SV2C: variants seen among roughly 807,000 people sequenced by gnomAD.
SV2C encodes the protein synaptic vesicle glycoprotein 2C.
A neutral mutation model predicts 79.7 loss-of-function variants in SV2C; 49 were observed. The ratio of observed to expected loss-of-function variants is 0.61; its 90% confidence interval spans 0.49 to 0.78. The LOEUF (loss-of-function observed/expected upper bound fraction) is 0.78. Ranked by LOEUF, SV2C falls within the 30% of genes least tolerant of loss-of-function variation. The pLI, the probability that SV2C is intolerant of heterozygous loss-of-function variation, is 0.00. For synonymous variants in SV2C, 334 were observed against 333.2 expected, an observed-to-expected ratio of 1.00 and a Z score of -0.03; for missense variants, 833 against 912.9, an observed-to-expected ratio of 0.91 and a Z score of 1.13.
the SV2C span, among the ~76,000 whole-genome samples, chr5:75,857,973 T>C: frequency 3.9e-5 from 6 of 152,250 alleles, no homozygotes; most frequent in Non-Finnish European, 8.8e-5. Context: ...GCAACTTTAC[T>C]GATATTTAAT....
intron 4 of SV2C, among the ~76,000 whole-genome samples, chr5:76,238,154 T>C (rs6890985): frequency 0.12 from 17,832 of 152,026 alleles, 3,049 homozygotes; most frequent in African/African-American, 0.38. Context: ...TGGATCCATT[T>C]TCTAATATTT....
chr5:76,087,285 G>A (rs998241813), intron 1 of SV2C, among the ~76,000 whole-genome samples: 1 of 152,152 alleles, frequency 6.6e-6, no homozygotes, highest in African/African-American at 2.4e-5. Flanking sequence ...AATATTTTCT[G>A]TTGATCACCT....
chr5:76,139,661 G>C (rs1010542487), intron 2 of SV2C, among the ~76,000 whole-genome samples: 1 of 152,126 alleles, frequency 6.6e-6, no homozygotes, highest in Non-Finnish European at 1.5e-5. Flanking sequence ...TGTTCACCTA[G>C]TTTCCTGGAG....
chr5:76,122,520 C>T (rs897127658), intron 1 of SV2C, among the ~76,000 whole-genome samples: 6 of 152,264 alleles, frequency 3.9e-5, no homozygotes, highest in African/African-American at 1.4e-4. Context: ...TCATAAATAG[C>T]TCTTATTATT....
intron 5 of SV2C, 134 bp downstream of exon 5, chr5:76,285,429 G>A (rs973066606): frequency 3.1e-6 from 4 of 1,300,030 alleles, no homozygotes; most frequent in East Asian, 2.4e-5. Flanking sequence ...GGAGGGTTTG[G>A]TTTCATGGAG....
intron 2 of SV2C, among the ~76,000 whole-genome samples, chr5:76,187,281 C>A (rs1221159289): frequency 1.3e-5 from 2 of 152,208 alleles, no homozygotes; most frequent in African/African-American, 2.4e-5. Context: ...CATTATTAGG[C>A]CTCTTCTTCT....
chr5:76,034,175 A>C, the SV2C span, among the ~76,000 whole-genome samples: 1 of 151,558 alleles, frequency 6.6e-6, no homozygotes, highest in African/African-American at 2.4e-5. Context: ...TTCTAGATAT[A>C]CAATCATGTC....
chr5:75,862,134 T>C, the SV2C span, among the ~76,000 whole-genome samples: 1 of 152,228 alleles, frequency 6.6e-6, no homozygotes, highest in Non-Finnish European at 1.5e-5. Flanking sequence ...AAAAACCTAC[T>C]TACATCTAAA....
chr5:75,857,882 G>T, the SV2C span, among the ~76,000 whole-genome samples: 1,290 of 152,146 alleles, frequency 8.5e-3, 25 homozygotes, highest in African/African-American at 0.029. Flanking sequence ...AAATGTGATT[G>T]TTTTCTTGAT....
chr5:76,015,631 C>T, the SV2C span, among the ~76,000 whole-genome samples: 1 of 152,016 alleles, frequency 6.6e-6, no homozygotes, highest in Non-Finnish European at 1.5e-5. Flanking sequence ...TAATTCATGT[C>T]ATTTATCATT....
chr5:76,147,175 G>T (rs976743632), intron 2 of SV2C, among the ~76,000 whole-genome samples: 1 of 152,130 alleles, frequency 6.6e-6, no homozygotes, highest in Non-Finnish European at 1.5e-5. Flanking sequence ...CAATACCATT[G>T]AATTGTACAC....
At chr5:75,925,325 G>T in the SV2C span, among the ~76,000 whole-genome samples, 1 of 152,198 alleles carries the variant, frequency 6.6e-6, no homozygotes, top group East Asian at 1.9e-4. Flanking sequence ...GTGAGAGAGG[G>T]TCTTAAGGTA....
At chr5:75,920,647 T>TGGGGGGGGGGGGGGGG in the SV2C span, 2 of 488,020 alleles carry the variant, frequency 4.1e-6, no homozygotes, top group East Asian at 8.3e-5. Flanking sequence ...TGGTGGGGGG[T>TGGGGGGGGGGGGGGGG]GGGTGGGAGG....
the SV2C span, chr5:75,911,850 A>T: frequency 1.8e-6 from 1 of 543,346 alleles, no homozygotes; most frequent in Admixed American, 1.9e-5. Context: ...AGGTATCTAC[A>T]AGTGAAAATG....
the SV2C span, among the ~76,000 whole-genome samples, chr5:75,869,849 G>A: frequency 6.6e-6 from 1 of 152,198 alleles, no homozygotes; most frequent in Non-Finnish European, 1.5e-5. Flanking sequence ...TAAGGGGAGA[G>A]AGCAAGAGTC....
intron 2 of SV2C, among the ~76,000 whole-genome samples, chr5:76,182,982 G>C (rs1174040216): frequency 6.6e-6 from 1 of 151,100 alleles, no homozygotes; most frequent in African/African-American, 2.4e-5. Context: ...AGAGAGTAGG[G>C]GGAGGTGCCA....
At position 76,352,938 on chromosome 5, in the gene SV2C, CTCTTT is replaced by C. The variant is rs201496376; in HGVS notation, c.2001-190_2001-186del. On this transcript the variant is annotated intron_variant, in intron 12 of 12. Coordinates refer to the SV2C transcript ENST00000322285. ...TTGAAATTCTTTTTTTTATTTTTAC[CTCTTT>C]TTTTTTTTTTTTTCCTGAGACAAGG... 2.2e-3 allele frequency among the ~76,000 whole-genome samples: 317 copies of C among 146,806 alleles called. 6 individuals carry two copies. In the East Asian group the frequency reaches 0.045, roughly 21 times the overall value.
chr5:76,271,786 G>T (rs1746876716), intron 4 of SV2C, among the ~76,000 whole-genome samples: 1 of 152,034 alleles, frequency 6.6e-6, no homozygotes. Flanking sequence ...TTATCACAGT[G>T]AAATTAAGCC....
At chr5:76,111,015 G>A (rs888064642) in intron 1 of SV2C, among the ~76,000 whole-genome samples, 6 of 152,162 alleles carry the variant, frequency 3.9e-5, no homozygotes, top group African/African-American at 1.2e-4. Context: ...TACTTATGAG[G>A]ATCAAGTGAG....
Sources: allele counts gnomAD v4.1 joint callset (sites outside exome capture counted in the v4.1 genomes callset), GRCh38; gene constraint gnomAD v4.1.1; transcripts MANE v1.5; gene names NCBI Gene and HGNC (gene_info 2026-07-23, HGNC 2026-07-21).